ATP2B2: variants seen among roughly 807,000 people sequenced by gnomAD.
ATP2B2 encodes the protein ATPase plasma membrane Ca2+ transporting 2.
ATP2B2 carries 15 observed loss-of-function variants against 120.0 expected under a neutral mutation model. That is an observed-to-expected ratio of 0.12 (90% CI 0.08 to 0.19). The LOEUF is 0.19. ATP2B2 is among the 10% of genes least tolerant of loss of function. The pLI is 1.00. For synonymous variants in ATP2B2, 694 were observed against 700.3 expected (o/e 0.99, Z 0.14); for missense variants, 1,045 against 1,719.8 (o/e 0.61, Z 6.94).
At chr3:10,653,931 C>G (rs548548913) in intron 1 of ATP2B2, among the ~76,000 whole-genome samples, 2 of 152,302 alleles carry the variant, frequency 1.3e-5, no homozygotes, top group South Asian at 4.2e-4. Flanking sequence ...TGTCCCTCCA[C>G]TTCCAATACC....
intron 1 of ATP2B2, among the ~76,000 whole-genome samples, chr3:10,699,389 T>C (rs1468401542): frequency 6.6e-6 from 1 of 152,210 alleles, no homozygotes. Flanking sequence ...TAGAAGTATA[T>C]TTATTGATAT....
At position 10,340,134 on chromosome 3, in the gene ATP2B2, G is replaced by C. The variant is rs187518068; in HGVS notation, c.3237+108C>G. On this transcript the variant is annotated intron_variant, in intron 21 of 22. Transcript: ENST00000360273. The surrounding 1 kb of genome is among the most constrained non-coding windows in gnomAD (Gnocchi z 5.0). ...CTCAGATGTCCAGAGATAGGGAGGA[G>C]CTTGCCTGGGGTCTGGCAGCCCATT... The C allele has an allele frequency of 2.5e-3, 2,547 of 1,033,200 alleles. 43 individuals carry two copies. The highest frequency in any genetic ancestry group is 6.8e-3 in the Middle Eastern group (23 of 3,406). 64.0% of individuals were successfully genotyped at this position (1,033,200 alleles called of 1,614,324 possible).
At chr3:10,454,997 T>C (rs655553) in intron 1 of ATP2B2, among the ~76,000 whole-genome samples, 124,703 of 152,164 alleles carry the variant, frequency 0.82, 52,230 homozygotes, top group Non-Finnish European at 0.91. Context: ...TCCCCAGGAT[T>C]CTGAGAGCAT....
chr3:10,452,033 A>T (rs1467359110), intron 1 of ATP2B2, among the ~76,000 whole-genome samples: 1 of 152,260 alleles, frequency 6.6e-6, no homozygotes, highest in Non-Finnish European at 1.5e-5. Context: ...GAATAAGTGA[A>T]TGAATGAAAA....
chr3:10,338,433 C>G, intron 21 of ATP2B2, 75 bp from the exon 22 acceptor site: 1 of 1,527,874 alleles, frequency 6.5e-7, no homozygotes, highest in Non-Finnish European at 9.1e-7. Flanking sequence ...ACCCGCTCCT[C>G]TACCTCCCTC....
chr3:10,567,829 C>T (rs1650809730), intron 2 of ATP2B2, among the ~76,000 whole-genome samples: 1 of 152,098 alleles, frequency 6.6e-6, no homozygotes. Flanking sequence ...CACTTTGGCC[C>T]TCTCAGTGGG....
At position 10,541,850 on chromosome 3, in the gene ATP2B2, T is replaced by C. The variant is rs538013742; in HGVS notation, c.-414-7717A>G. On this transcript the variant is annotated intron_variant, in intron 2 of 21. Transcript: ENST00000646379. Reference sequence around the variant, plus strand: ...TCCTGCCTAGTTGCTGTATCAATTATTGGGAGATGAGTGTTGAAGTCTCCA... The same window carrying C: ...TCCTGCCTAGTTGCTGTATCAATTACTGGGAGATGAGTGTTGAAGTCTCCA... 2.0e-4 allele frequency among the ~76,000 whole-genome samples: 30 copies of C among 152,312 alleles called. No homozygotes were observed. In the South Asian group the frequency reaches 6.0e-3, roughly 30 times the overall value.
At chr3:10,469,777 G>A (rs998393032) in intron 1 of ATP2B2, among the ~76,000 whole-genome samples, 1 of 152,226 alleles carries the variant, frequency 6.6e-6, no homozygotes, top group Admixed American at 6.5e-5. Context: ...AGGTATGAGA[G>A]GAGGGGCAGT....
intron 2 of ATP2B2, among the ~76,000 whole-genome samples, chr3:10,550,888 C>A (rs1304943987): frequency 6.6e-6 from 1 of 152,198 alleles, no homozygotes; most frequent in Admixed American, 6.5e-5. Context: ...CAAGGCCTGG[C>A]TGCAAAGTAA....
intron 1 of ATP2B2, among the ~76,000 whole-genome samples, chr3:10,627,403 A>G (rs1307206108): frequency 1.3e-5 from 2 of 152,154 alleles, no homozygotes; most frequent in Non-Finnish European, 2.9e-5. Context: ...TTCATATATA[A>G]AACTGTAATA....
intron 2 of ATP2B2, among the ~76,000 whole-genome samples, chr3:10,551,395 C>T (rs367745767): frequency 3.3e-5 from 5 of 152,180 alleles, no homozygotes; most frequent in Non-Finnish European, 7.3e-5. Context: ...GGGGCCAAAG[C>T]GGCCAAGCTC....
chr3:10,332,719 A>G (rs1033109479), intron 22 of ATP2B2, among the ~76,000 whole-genome samples: 4 of 152,176 alleles, frequency 2.6e-5, no homozygotes, highest in African/African-American at 9.6e-5. Flanking sequence ...TAGTGGGAAG[A>G]ATGAGGGACT....
intron 5 of ATP2B2, among the ~76,000 whole-genome samples, chr3:10,398,308 G>A (rs1029291944): frequency 2.0e-5 from 3 of 152,150 alleles, no homozygotes; most frequent in Non-Finnish European, 4.4e-5. Context: ...GGACATCCTG[G>A]AGACCTTGGC....
At chr3:10,506,250 C>G (rs114465731), upstream of ATP2B2, among the ~76,000 whole-genome samples, 1 of 151,998 alleles carries the variant, frequency 6.6e-6, no homozygotes, top group African/African-American at 2.4e-5. Context: ...CCCTGCGACC[C>G]GCCCTGCCTG....
At position 10,358,762 on chromosome 3, in the gene ATP2B2, T is replaced by C; in HGVS notation, c.2065A>G (p.Asn689Asp). 6.2e-7 allele frequency: 1 copy of C among 1,614,222 alleles called. No homozygotes were observed. Reference protein sequence around the residue: ...FPSSPEPDWDNENDILNELTC... With the variant: ...FPSSPEPDWDDENDILNELTC... Reference sequence around the variant, plus strand: ...AGTTCGTTGAGGATGTCATTCTCATTGTCCCAGTCCGGCTCCGGGCTGCTG... The same window carrying C: ...AGTTCGTTGAGGATGTCATTCTCATCGTCCCAGTCCGGCTCCGGGCTGCTG... Residue 689 changes from asparagine to aspartate, a missense_variant, in exon 14 of 23, where the codon AAT becomes GAT. This residue lies in a region of ATP2B2 where 343 missense variants were observed against 536.8 expected (regional missense o/e 0.64). Transcript: ENST00000360273.
At chr3:10,591,864 C>T (rs1429679022) in intron 2 of ATP2B2, among the ~76,000 whole-genome samples, 1 of 152,150 alleles carries the variant, frequency 6.6e-6, no homozygotes, top group African/African-American at 2.4e-5. Flanking sequence ...CCTTCAATTC[C>T]AGGGCATCTT....
chr3:10,423,027 G>A (rs753545266), intron 2 of ATP2B2, among the ~76,000 whole-genome samples: 1 of 152,188 alleles, frequency 6.6e-6, no homozygotes, highest in Non-Finnish European at 1.5e-5. Flanking sequence ...TCTAGAAGCT[G>A]TGAAAACATC....
chr3:10,673,498 CAGAGAG>C (rs58286719), intron 1 of ATP2B2, among the ~76,000 whole-genome samples: 2 of 146,214 alleles, frequency 1.4e-5, no homozygotes, highest in South Asian at 2.2e-4. Flanking sequence ...GAGAGAAAGA[CAGAGAG>C]AGAGAGAGAG....
chr3:10,445,766 C>G (rs776139161), intron 2 of ATP2B2, among the ~76,000 whole-genome samples: 1 of 152,216 alleles, frequency 6.6e-6, no homozygotes, highest in Non-Finnish European at 1.5e-5. Flanking sequence ...CAGAGGCCAG[C>G]TCCCTACTCG....
Sources: gnomAD v4.1 joint callset for allele counts (sites outside exome capture counted in the v4.1 genomes callset) on GRCh38, gnomAD v4.1.1 for gene constraint, gnomAD v4.1.1 regional missense constraint, Gnocchi (gnomAD v3.1) non-coding constraint, MANE v1.5 for transcripts, NCBI Gene and HGNC (gene_info 2026-07-23, HGNC 2026-07-21) for gene names.